SCFD1: variants seen among roughly 807,000 people sequenced by gnomAD.
The protein encoded by SCFD1 is sec1 family domain-containing protein 1.
Under a neutral mutation model 103.2 loss-of-function variants are expected in SCFD1, and 37 were observed. The observed-to-expected ratio is 0.36, with a 90% CI of 0.28 to 0.47. The LOEUF is 0.47. SCFD1 is among the 20% of genes least tolerant of loss of function. The pLI is 1.00. For missense variants in SCFD1, 639 were observed against 761.2 expected (o/e 0.84, Z 1.89); for synonymous variants, 264 against 245.0 (o/e 1.08, Z -0.73).
At chr14:30,631,901 CT>C (rs1177653700) in intron 3 of SCFD1, among the ~76,000 whole-genome samples, 1 of 151,806 alleles carries the variant, frequency 6.6e-6, no homozygotes, top group Admixed American at 6.6e-5. Flanking sequence ...CAAAAATTAG[CT>C]GGGCATGGTG....
At chr14:30,702,173 T>G in intron 16 of SCFD1, 123 bp from the exon 17 acceptor site, 1 of 597,296 alleles carries the variant, frequency 1.7e-6, no homozygotes, top group South Asian at 2.6e-5. Context: ...GACTCCACTC[T>G]ACTTGGGTGC....
chr14:30,673,374 T>C (rs775308407), intron 12 of SCFD1, 27 bp downstream of exon 12: 9 of 1,277,350 alleles, frequency 7.0e-6, no homozygotes, highest in Non-Finnish European at 5.6e-6. Flanking sequence ...TTTCTAAGAA[T>C]TATAGGAAAG....
chr14:30,724,101 G>A (rs1892852249), intron 23 of SCFD1, among the ~76,000 whole-genome samples: 1 of 142,114 alleles, frequency 7.0e-6, no homozygotes, highest in Non-Finnish European at 1.5e-5. Context: ...AAAAAAGGCT[G>A]ACTGGTGTAA....
chr14:30,731,280 A>C (rs1046425251), intron 23 of SCFD1, among the ~76,000 whole-genome samples: 10 of 152,228 alleles, frequency 6.6e-5, no homozygotes, highest in Non-Finnish European at 7.3e-5. Flanking sequence ...GAAGTCAGGT[A>C]GTGTGATGCC....
intron 7 of SCFD1, among the ~76,000 whole-genome samples, chr14:30,648,112 G>C (rs1886031144): frequency 6.6e-6 from 1 of 152,158 alleles, no homozygotes; most frequent in Non-Finnish European, 1.5e-5. Context: ...TAGATTATAT[G>C]TAGAAAACAA....
chr14:30,663,384 C>G (rs1887620168), intron 10 of SCFD1, among the ~76,000 whole-genome samples: 1 of 152,122 alleles, frequency 6.6e-6, no homozygotes, highest in Non-Finnish European at 1.5e-5. Context: ...AAGGTTCTTT[C>G]CAGATGTAGC....
intron 1 of SCFD1, among the ~76,000 whole-genome samples, chr14:30,624,974 T>C (rs554977924): frequency 6.6e-6 from 1 of 152,316 alleles, no homozygotes; most frequent in Admixed American, 6.5e-5. Context: ...CTCAGGAGGC[T>C]TTCCCCAATT....
intron 15 of SCFD1, among the ~76,000 whole-genome samples, chr14:30,695,170 A>G (rs975401279): frequency 6.6e-6 from 1 of 152,210 alleles, no homozygotes; most frequent in East Asian, 1.9e-4. Context: ...ATTTGAAGGT[A>G]TAACATTCAA....
intron 1 of SCFD1, among the ~76,000 whole-genome samples, chr14:30,626,631 G>T (rs138092596): frequency 6.6e-6 from 1 of 152,198 alleles, no homozygotes; most frequent in East Asian, 1.9e-4. Context: ...CCTGCCCAGC[G>T]CATTGCCACT....
intron 1 of SCFD1, among the ~76,000 whole-genome samples, chr14:30,625,762 A>G (rs1883371262): frequency 6.6e-6 from 1 of 151,796 alleles, no homozygotes; most frequent in Non-Finnish European, 1.5e-5. Context: ...GGTAAAAGGT[A>G]TATCAAAATA....
chr14:30,709,748 G>A (rs956621045), intron 19 of SCFD1, among the ~76,000 whole-genome samples: 10 of 152,120 alleles, frequency 6.6e-5, no homozygotes, highest in Admixed American at 2.6e-4. Context: ...GCCTGCGCCC[G>A]GTTCTTATTT....
Position 30,653,681 on chromosome 14 carries a change from A to C in SCFD1, c.855+93A>C, listed in dbSNP as rs1886618054. ...TTAACATCATGGCTACAGAAACAAAAATGAGAAGGATGGAACTGAGACCTA... is the reference window on the plus strand; with the variant it reads ...TTAACATCATGGCTACAGAAACAAACATGAGAAGGATGGAACTGAGACCTA... On this transcript the variant is annotated intron_variant, in intron 10 of 24. Transcript: ENST00000458591. 21 of 835,310 alleles carry C rather than the reference A, an allele frequency of 2.5e-5. No homozygotes were observed. The South Asian group carries it at 3.4e-4, about 14-fold the overall frequency. 51.7% of individuals were successfully genotyped at this position (835,310 alleles called of 1,614,324 possible).
Position 30,715,912 on chromosome 14 carries a change from A to G in SCFD1, c.1630-12A>G. On this transcript the variant is annotated splice_polypyrimidine_tract_variant and intron_variant, in intron 19 of 24. Transcript: ENST00000458591. ...TTAATATTCTAATATTTAACAAAATACTTTTCCACAGAATCTACCTGTTAC... is the reference window on the plus strand; with the variant it reads ...TTAATATTCTAATATTTAACAAAATGCTTTTCCACAGAATCTACCTGTTAC... The G allele has an allele frequency of 6.7e-7, 1 of 1,493,138 alleles. No homozygotes were observed. Among genetic ancestry groups the G allele is most frequent in the Non-Finnish European group, 9.2e-7 (1 of 1,091,748 alleles). 92.5% of individuals were successfully genotyped at this position (1,493,138 alleles called of 1,614,324 possible).
intron 22 of SCFD1, 145 bp downstream of exon 22, chr14:30,722,062 G>T: frequency 1.7e-6 from 1 of 577,580 alleles, no homozygotes; most frequent in Non-Finnish European, 3.0e-6. Flanking sequence ...AATTTATAAA[G>T]CTGCTTATAT....
intron 10 of SCFD1, chr14:30,653,971 TCA>T (rs1886645948): frequency 6.5e-6 from 1 of 154,636 alleles, no homozygotes; most frequent in Non-Finnish European, 1.4e-5. Flanking sequence ...CAGTTAAACC[TCA>T]TTTTACGTTA....
At chr14:30,635,037 A>G in intron 4 of SCFD1, 1 of 448,716 alleles carries the variant, frequency 2.2e-6, no homozygotes, top group Non-Finnish European at 4.5e-6. Context: ...TTGGATAGGT[A>G]AGTAACAGTG....
intron 20 of SCFD1, among the ~76,000 whole-genome samples, chr14:30,717,658 G>A (rs377248349): frequency 2.2e-4 from 34 of 151,996 alleles, no homozygotes; most frequent in African/African-American, 7.0e-4. Flanking sequence ...TTGGGAGGCC[G>A]AAGCAGGTGG....
At chr14:30,697,860 A>G (rs1890802906) in intron 15 of SCFD1, among the ~76,000 whole-genome samples, 2 of 152,366 alleles carry the variant, frequency 1.3e-5, no homozygotes, top group African/African-American at 4.8e-5. Context: ...CTAAAGAGGC[A>G]TGACAACTGT....
chr14:30,693,934 T>C (rs1351457692), intron 14 of SCFD1, among the ~76,000 whole-genome samples: 1 of 152,216 alleles, frequency 6.6e-6, no homozygotes, highest in African/African-American at 2.4e-5. Flanking sequence ...ATATGTTAAC[T>C]TTATTTGGAT....
Sources: allele counts gnomAD v4.1 joint callset (sites outside exome capture counted in the v4.1 genomes callset), GRCh38; gene constraint gnomAD v4.1.1; transcripts MANE v1.5; gene names NCBI Gene and HGNC (gene_info 2026-07-23, HGNC 2026-07-21).